Variants in CIMAP2 observed in about 807,000 individuals in gnomAD.
The protein encoded by CIMAP2 is ciliary microtubule-associated protein 2.
chr1:54,811,765 G>GCCGGGGGGGGGGGCCC, the CIMAP2 span: 7 of 1,301,324 alleles, frequency 5.4e-6, no homozygotes, highest in African/African-American at 1.5e-5. Flanking sequence ...GGTTCTGACA[G>GCCGGGGGGGGGGGCCC]CCTCCATGCC....
chr1:54,811,779 ACC>A, the CIMAP2 span: 1 of 286,562 alleles, frequency 3.5e-6, no homozygotes, highest in South Asian at 2.5e-5. Context: ...CCATGCCCCC[ACC>A]CCCGCCCCAC....
the CIMAP2 span, among the ~76,000 whole-genome samples, chr1:54,824,611 A>G: frequency 3.3e-5 from 5 of 151,968 alleles, no homozygotes; most frequent in South Asian, 8.3e-4. Flanking sequence ...GATTATTTCA[A>G]GATGCCTGTC....
At chr1:54,826,056 T>A in the CIMAP2 span, among the ~76,000 whole-genome samples, 1 of 152,168 alleles carries the variant, frequency 6.6e-6, no homozygotes, top group Non-Finnish European at 1.5e-5. Flanking sequence ...AAGGGCTCCC[T>A]GACGGTGTAC....
At chr1:54,816,557 G>A in the CIMAP2 span, among the ~76,000 whole-genome samples, 10 of 152,256 alleles carry the variant, frequency 6.6e-5, no homozygotes, top group Admixed American at 2.0e-4. Context: ...AAATCAAGGC[G>A]TCTGCAGGTC....
the CIMAP2 span, chr1:54,807,426 C>T: frequency 7.3e-7 from 1 of 1,377,600 alleles, no homozygotes; most frequent in Non-Finnish European, 9.7e-7. Flanking sequence ...GGATTGCCTA[C>T]TCCCTTCCTC....
the CIMAP2 span, chr1:54,811,983 C>G: frequency 1.9e-6 from 3 of 1,614,126 alleles, no homozygotes; most frequent in Non-Finnish European, 2.5e-6. Context: ...TGCAGGGGCA[C>G]TCCCAGGGCA....
the CIMAP2 span, among the ~76,000 whole-genome samples, chr1:54,829,164 A>G: frequency 6.6e-6 from 1 of 152,242 alleles, no homozygotes; most frequent in Non-Finnish European, 1.5e-5. Flanking sequence ...TTGTTTTATA[A>G]TCAGAAAAAT....
chr1:54,820,774 T>G, the CIMAP2 span, among the ~76,000 whole-genome samples: 1 of 134,834 alleles, frequency 7.4e-6, no homozygotes, highest in Non-Finnish European at 1.8e-5. Flanking sequence ...CCACTTTTTT[T>G]GTTTGTTTGT....
chr1:54,806,198 C>T, the CIMAP2 span: 1 of 1,545,318 alleles, frequency 6.5e-7, no homozygotes. Flanking sequence ...CACCGGGGCG[C>T]CCTTCGGGGT....
chr1:54,828,364 G>A, the CIMAP2 span, among the ~76,000 whole-genome samples: 3 of 152,240 alleles, frequency 2.0e-5, no homozygotes, highest in African/African-American at 7.2e-5. Flanking sequence ...GCCATCCAGG[G>A]CGGGGGTGCC....
the CIMAP2 span, chr1:54,812,176 A>G: frequency 1.2e-6 from 2 of 1,614,192 alleles, no homozygotes; most frequent in African/African-American, 2.7e-5. Flanking sequence ...CCTTATGGGC[A>G]CTACTCCATG....
chr1:54,829,960 T>A, the CIMAP2 span, among the ~76,000 whole-genome samples: 1 of 152,124 alleles, frequency 6.6e-6, no homozygotes, highest in African/African-American at 2.4e-5. Context: ...TGGTGATGCT[T>A]GGCTCTGCAT....
At chr1:54,823,351 T>C in the CIMAP2 span, among the ~76,000 whole-genome samples, 2 of 152,148 alleles carry the variant, frequency 1.3e-5, no homozygotes, top group African/African-American at 4.8e-5. Context: ...TGTTCTTTTT[T>C]TTTTTACTTA....
chr1:54,834,933 A>G, the CIMAP2 span, among the ~76,000 whole-genome samples: 2 of 152,162 alleles, frequency 1.3e-5, no homozygotes, highest in African/African-American at 2.4e-5. Context: ...TTTATGACCT[A>G]TCTTTCTACC....
At chr1:54,811,806 G>C in the CIMAP2 span, 1 of 1,129,672 alleles carries the variant, frequency 8.9e-7, no homozygotes, top group Non-Finnish European at 1.2e-6. Context: ...CTACTATCCA[G>C]GCCCTGGAAA....
At chr1:54,837,192 T>G in the CIMAP2 span, among the ~76,000 whole-genome samples, 1 of 152,042 alleles carries the variant, frequency 6.6e-6, no homozygotes, top group Non-Finnish European at 1.5e-5. Context: ...GACCTTCCTG[T>G]TGCATATTTT....
the CIMAP2 span, chr1:54,841,508 TTAGA>T: frequency 1.1e-5 from 17 of 1,554,280 alleles, no homozygotes; most frequent in Non-Finnish European, 1.5e-5. Flanking sequence ...CAGGGTTGGG[TTAGA>T]TAATTTTCCA....
chr1:54,812,926 G>T, the CIMAP2 span, among the ~76,000 whole-genome samples: 1 of 152,182 alleles, frequency 6.6e-6, no homozygotes, highest in East Asian at 1.9e-4. Context: ...GCTCAGGAGT[G>T]CTGAGGAGGG....
chr1:54,835,621 C>A, the CIMAP2 span, among the ~76,000 whole-genome samples: 3 of 152,136 alleles, frequency 2.0e-5, no homozygotes, highest in African/African-American at 7.3e-5. Context: ...TGTTAGTAAA[C>A]GGCATTGATG....
Sources: allele counts gnomAD v4.1 joint callset (sites outside exome capture counted in the v4.1 genomes callset), GRCh38; gene constraint gnomAD v4.1.1; transcripts MANE v1.5; gene names NCBI Gene and HGNC (gene_info 2026-07-23, HGNC 2026-07-21).